Variants in TAPT1 observed in about 807,000 individuals in gnomAD.
TAPT1 encodes the protein transmembrane anterior posterior transformation 1.
A neutral mutation model predicts 65.6 loss-of-function variants in TAPT1; 28 were observed. The observed-to-expected ratio is 0.43, with a 90% CI of 0.32 to 0.59. The LOEUF (loss-of-function observed/expected upper bound fraction) is 0.59, where lower values mean the gene tolerates loss of function less well. TAPT1 is among the 20% of genes least tolerant of loss of function. The probability of loss-of-function intolerance (pLI) is 0.09; values close to 1 mark genes in which losing one functional copy is unlikely to be tolerated. For missense variants in TAPT1, 563 were observed against 679.9 expected, an observed-to-expected ratio of 0.83 and a Z score of 1.91; for synonymous variants, 278 against 245.2, an observed-to-expected ratio of 1.13 and a Z score of -1.25.
chr4:16,220,109 G>A (rs182869947), intron 1 of TAPT1, among the ~76,000 whole-genome samples: 47 of 152,230 alleles, frequency 3.1e-4, no homozygotes, highest in Non-Finnish European at 1.3e-4. Flanking sequence ...TCAGTGTTTC[G>A]CTTGTTTTTA....
chr4:16,209,467 T>C (rs1324836529), intron 2 of TAPT1, among the ~76,000 whole-genome samples: 1 of 152,250 alleles, frequency 6.6e-6, no homozygotes, highest in Non-Finnish European at 1.5e-5. Context: ...GTGATCTTTA[T>C]CTTTCTAAAT....
intron 9 of TAPT1, among the ~76,000 whole-genome samples, chr4:16,175,656 T>C (rs530045083): frequency 6.6e-6 from 1 of 152,286 alleles, no homozygotes; most frequent in African/African-American, 2.4e-5. Context: ...ATAAAACAAA[T>C]TTCTCAAAGT....
chr4:16,163,581 C>G lies in TAPT1; in HGVS notation c.1475-44G>C, dbSNP rs1414788186. Reference sequence around the variant, plus strand: ...ATTAAATTAGAGAAAGACTTTTCTCCAATTATTAATAAATACAAACTTACC... The same window carrying G: ...ATTAAATTAGAGAAAGACTTTTCTCGAATTATTAATAAATACAAACTTACC... On this transcript the variant is annotated intron_variant, in intron 13 of 13. Transcript: ENST00000405303. The G allele has an allele frequency of 7.0e-6, 10 of 1,436,308 alleles. No homozygotes were observed. In the East Asian group the frequency reaches 2.3e-4, roughly 34 times the overall value. 89.0% of individuals were successfully genotyped at this position (1,436,308 alleles called of 1,614,324 possible).
intron 11 of TAPT1, 51 bp from the exon 12 acceptor site, chr4:16,170,780 C>T (rs1747942339): frequency 7.2e-7 from 1 of 1,384,714 alleles, no homozygotes; most frequent in African/African-American, 1.4e-5. Context: ...GAACACACAA[C>T]CACAGAGTTA....
intron 7 of TAPT1, among the ~76,000 whole-genome samples, chr4:16,182,492 C>T (rs1221593517): frequency 6.6e-6 from 1 of 152,156 alleles, no homozygotes; most frequent in Non-Finnish European, 1.5e-5. Context: ...TTTTTCCTTG[C>T]TATATTACCA....
chr4:16,168,067 A>C (rs1223545425), intron 12 of TAPT1, among the ~76,000 whole-genome samples: 5 of 152,154 alleles, frequency 3.3e-5, no homozygotes, highest in African/African-American at 9.7e-5. Flanking sequence ...GGAAGAAAAA[A>C]GTCTCACATT....
At chr4:16,202,666 A>G in intron 2 of TAPT1, 86 bp from the exon 3 acceptor site, 1 of 704,576 alleles carries the variant, frequency 1.4e-6, no homozygotes, top group South Asian at 1.9e-5. Context: ...GAATTTCTAA[A>G]CATTATAAAA....
At chr4:16,196,841 A>G (rs1749735032) in intron 3 of TAPT1, 1 of 475,304 alleles carries the variant, frequency 2.1e-6, no homozygotes, top group African/African-American at 2.0e-5. Flanking sequence ...CTAATAACAA[A>G]TATATTGCTC....
chr4:16,226,931 T>G (rs1751614967), upstream of TAPT1: 1 of 392,420 alleles, frequency 2.5e-6, no homozygotes, highest in Non-Finnish European at 5.0e-6. Flanking sequence ...GGGCCTCTTT[T>G]GCAGACTCGG....
At chr4:16,167,284 C>T (rs1165247341) in intron 12 of TAPT1, among the ~76,000 whole-genome samples, 1 of 152,134 alleles carries the variant, frequency 6.6e-6, no homozygotes, top group Non-Finnish European at 1.5e-5. Flanking sequence ...AGCCACCATG[C>T]CTGGCCTCCT....
At chr4:16,199,734 T>G (rs867708793) in intron 3 of TAPT1, among the ~76,000 whole-genome samples, 3 of 152,010 alleles carry the variant, frequency 2.0e-5, no homozygotes, top group Non-Finnish European at 2.9e-5. Flanking sequence ...TGGGACTACA[T>G]GTATGTGCCA....
At chr4:16,224,999 A>G (rs764491111) in intron 1 of TAPT1, among the ~76,000 whole-genome samples, 20 of 152,272 alleles carry the variant, frequency 1.3e-4, no homozygotes, top group Non-Finnish European at 2.6e-4. Context: ...AGTCTAAGTA[A>G]GTAAACAGAC....
chr4:16,163,779 A>G (rs1001539199), intron 13 of TAPT1, among the ~76,000 whole-genome samples: 15 of 152,226 alleles, frequency 9.9e-5, no homozygotes, highest in African/African-American at 3.4e-4. Context: ...CACACAAACA[A>G]TGCCATCACC....
chr4:16,164,498 C>T (rs1490031446), intron 13 of TAPT1, among the ~76,000 whole-genome samples: 1 of 152,124 alleles, frequency 6.6e-6, no homozygotes, highest in African/African-American at 2.4e-5. Flanking sequence ...ATAACATGAC[C>T]CCTGAGTCAA....
intron 3 of TAPT1, among the ~76,000 whole-genome samples, chr4:16,202,037 A>G (rs1750064410): frequency 6.6e-6 from 1 of 152,220 alleles, no homozygotes; most frequent in Non-Finnish European, 1.5e-5. Context: ...ACTTGCAGTA[A>G]GAGCTCCTGA....
intron 3 of TAPT1, 65 bp from the exon 4 acceptor site, chr4:16,191,588 T>C: frequency 1.4e-6 from 2 of 1,453,294 alleles, no homozygotes; most frequent in Non-Finnish European, 1.9e-6. Flanking sequence ...AAAACAATAA[T>C]CTTTACTCGA....
intron 11 of TAPT1, among the ~76,000 whole-genome samples, chr4:16,172,906 C>A (rs1458919963): frequency 1.3e-5 from 2 of 151,904 alleles, no homozygotes; most frequent in Non-Finnish European, 2.9e-5. Context: ...CTTACTGCAA[C>A]CTTCCCTCCC....
chr4:16,182,148 A>G (rs1365170325), intron 7 of TAPT1, among the ~76,000 whole-genome samples: 3 of 152,202 alleles, frequency 2.0e-5, no homozygotes, highest in African/African-American at 7.2e-5. Flanking sequence ...TTTTACATAG[A>G]CATTATAAAA....
rs1320940535 is a variant in TAPT1, at chr4:16,162,794, G to A, written c.*514C>T. The A allele has an allele frequency of 1.4e-5, 4 of 285,788 alleles. No individual in the cohort carries two copies. Among genetic ancestry groups the A allele is most frequent in the African/African-American group, 4.4e-5 (2 of 45,306 alleles). The allele number at this position is 285,788 out of a possible 1,614,324, so 17.7% of individuals were successfully genotyped here. A position where few individuals can be genotyped will look rare whatever the true frequency, so the allele number is the denominator to read the frequency against. ...GATTAATTAAGATACATCTTTAAGG[G>A]TTATTCTGGTGGTAAGAACATTTAT... is the stretch of plus-strand genomic sequence containing the variant. On this transcript the variant is annotated 3_prime_UTR_variant, in exon 14 of 14. Transcript: ENST00000405303.
Sources: allele counts gnomAD v4.1 joint callset (sites outside exome capture counted in the v4.1 genomes callset), GRCh38; gene constraint gnomAD v4.1.1; transcripts MANE v1.5; gene names NCBI Gene and HGNC (gene_info 2026-07-23, HGNC 2026-07-21).